The following RANBP2 variants were observed in gnomAD, a reference collection of about 807,000 sequenced individuals.
The protein encoded by RANBP2 is RAN binding protein 2, also known as E3 SUMO-protein ligase RanBP2.
Under a neutral mutation model 303.6 loss-of-function variants are expected in RANBP2, and 57 were observed. That is an observed-to-expected ratio of 0.19 (90% CI 0.15 to 0.23). The LOEUF (loss-of-function observed/expected upper bound fraction) is 0.23, where lower values mean the gene tolerates loss of function less well. RANBP2 is among the 10% of genes least tolerant of loss of function. The pLI, the probability that RANBP2 is intolerant of heterozygous loss-of-function variation, is 1.00. For missense variants in RANBP2, 3,138 were observed against 3,780.8 expected, an observed-to-expected ratio of 0.83 and a Z score of 4.46; for synonymous variants, 1,167 against 1,301.5, an observed-to-expected ratio of 0.90 and a Z score of 2.23.
chr2:109,160,939 G>C, the RANBP2 span, among the ~76,000 whole-genome samples: 3 of 152,188 alleles, frequency 2.0e-5, no homozygotes, highest in African/African-American at 4.8e-5. Flanking sequence ...CCTCAACCAG[G>C]GGTGTGGCTG....
the RANBP2 span, among the ~76,000 whole-genome samples, chr2:108,942,079 G>A: frequency 2.6e-5 from 4 of 152,344 alleles, no homozygotes; most frequent in South Asian, 8.3e-4. Flanking sequence ...GTTTGGAAGT[G>A]GACCTGCAGG....
chr2:109,489,798 C>T, the RANBP2 span, among the ~76,000 whole-genome samples: 18 of 152,218 alleles, frequency 1.2e-4, no homozygotes, highest in East Asian at 1.4e-3. Flanking sequence ...AGTGCAGTGG[C>T]GCAATCTCAG....
At chr2:109,469,366 G>A in the RANBP2 span, among the ~76,000 whole-genome samples, 7 of 151,926 alleles carry the variant, frequency 4.6e-5, no homozygotes, top group African/African-American at 7.3e-5. Flanking sequence ...ACTAGCCCCC[G>A]TGCTTTGCTT....
chr2:108,952,152 T>C, the RANBP2 span, among the ~76,000 whole-genome samples: 1 of 152,320 alleles, frequency 6.6e-6, no homozygotes, highest in South Asian at 2.1e-4. Flanking sequence ...TTTGATATCA[T>C]CTCAAGGACC....
At chr2:108,762,798 C>CCAT (rs112880794) in intron 19 of RANBP2, among the ~76,000 whole-genome samples, 14,963 of 151,228 alleles carry the variant, frequency 0.099, 1,377 homozygotes, top group African/African-American at 0.25. Flanking sequence ...ATAAATGTTA[C>CCAT]CATCATCATC....
chr2:109,504,141 A>G, the RANBP2 span: 1 of 152,250 alleles, frequency 6.6e-6, no homozygotes, highest in South Asian at 2.1e-4. Context: ...CAGGAGCAGA[A>G]TTAGCCCTTT....
the RANBP2 span, chr2:109,544,095 T>C: frequency 6.8e-7 from 1 of 1,460,542 alleles, no homozygotes; most frequent in South Asian, 1.3e-5. Flanking sequence ...TTCAGATTTT[T>C]GAATTAGAGA....
At chr2:109,614,362 T>A in the RANBP2 span, 1 of 798,776 alleles carries the variant, frequency 1.3e-6, no homozygotes, top group East Asian at 3.9e-5. Flanking sequence ...TCCTCTGGCC[T>A]CAGACGCGTA....
the RANBP2 span, among the ~76,000 whole-genome samples, chr2:108,821,741 T>TC: frequency 6.6e-6 from 1 of 151,966 alleles, no homozygotes; most frequent in Non-Finnish European, 1.5e-5. Flanking sequence ...GGTCAGAAGT[T>TC]CAAGACCAGC....
chr2:109,189,799 C>A, the RANBP2 span, among the ~76,000 whole-genome samples: 1 of 152,196 alleles, frequency 6.6e-6, no homozygotes, highest in Non-Finnish European at 1.5e-5. Context: ...AACAGTGAGA[C>A]CCACTTCTCA....
chr2:109,218,780 G>A, the RANBP2 span, among the ~76,000 whole-genome samples: 1 of 152,276 alleles, frequency 6.6e-6, no homozygotes, highest in Non-Finnish European at 1.5e-5. Context: ...GACTATATTT[G>A]CTGTTTCTTT....
the RANBP2 span, among the ~76,000 whole-genome samples, chr2:109,562,631 T>C: frequency 1.8e-4 from 27 of 152,144 alleles, no homozygotes; most frequent in Admixed American, 1.8e-3. Flanking sequence ...ACCAGACACC[T>C]AGGCCTGTCT....
At chr2:109,478,045 C>G in the RANBP2 span, among the ~76,000 whole-genome samples, 1 of 152,218 alleles carries the variant, frequency 6.6e-6, no homozygotes, top group Non-Finnish European at 1.5e-5. Context: ...GAGAGAGACC[C>G]TGGGGAGGAG....
chr2:109,011,915 G>A, the RANBP2 span, among the ~76,000 whole-genome samples: 3 of 151,200 alleles, frequency 2.0e-5, no homozygotes, highest in African/African-American at 7.3e-5. Flanking sequence ...ATGTGCATAT[G>A]TGTGTGTGTG....
At chr2:109,232,535 T>C in the RANBP2 span, among the ~76,000 whole-genome samples, 1 of 152,192 alleles carries the variant, frequency 6.6e-6, no homozygotes, top group Non-Finnish European at 1.5e-5. Flanking sequence ...GCGTCTCCCA[T>C]GCTGTAATGT....
chr2:109,012,028 G>A, the RANBP2 span, among the ~76,000 whole-genome samples: 4 of 152,088 alleles, frequency 2.6e-5, no homozygotes, highest in Non-Finnish European at 5.9e-5. Context: ...TTTTCGATTC[G>A]TCTGTTTTTG....
At chr2:109,553,276 G>A in the RANBP2 span, 57 of 1,583,534 alleles carry the variant, frequency 3.6e-5, no homozygotes, top group East Asian at 2.9e-4. Flanking sequence ...CGGGTATGGC[G>A]GCTCACGCCT....
the RANBP2 span, among the ~76,000 whole-genome samples, chr2:109,692,208 A>G: frequency 4.0e-5 from 6 of 150,996 alleles, no homozygotes; most frequent in African/African-American, 1.2e-4. Flanking sequence ...GAAAGGCCAC[A>G]TGGTACGTGA....
At chr2:108,813,745 A>G in the RANBP2 span, among the ~76,000 whole-genome samples, 3 of 152,218 alleles carry the variant, frequency 2.0e-5, no homozygotes, top group Admixed American at 1.3e-4. Flanking sequence ...ATCCTAGAAT[A>G]TAGAACTTTC....
Sources: allele counts gnomAD v4.1 joint callset (sites outside exome capture counted in the v4.1 genomes callset), GRCh38; gene constraint gnomAD v4.1.1; transcripts MANE v1.5; gene names NCBI Gene and HGNC (gene_info 2026-07-23, HGNC 2026-07-21).